INO80: variants seen among roughly 807,000 people sequenced by gnomAD.
INO80 encodes the protein INO80 complex ATPase subunit.
A neutral mutation model predicts 203.4 loss-of-function variants in INO80; 20 were observed. The ratio of observed to expected loss-of-function variants is 0.10; its 90% confidence interval spans 0.07 to 0.14. The LOEUF (loss-of-function observed/expected upper bound fraction) is 0.14. INO80 is among the 10% of genes least tolerant of loss of function. INO80 has a pLI of 1.00. For missense variants in INO80, 1,419 were observed against 1,914.4 expected (o/e 0.74, Z 4.83); for synonymous variants, 726 against 685.2 (o/e 1.06, Z -0.93).
intron 29 of INO80, among the ~76,000 whole-genome samples, chr15:40,991,542 T>C (rs1157764942): frequency 1.3e-5 from 2 of 151,952 alleles, no homozygotes; most frequent in East Asian, 3.9e-4. Flanking sequence ...AATTAAAGGA[T>C]TAGAACAACT....
At chr15:41,060,043 T>G in intron 14 of INO80, 117 bp from the exon 15 acceptor site, 1 of 657,252 alleles carries the variant, frequency 1.5e-6, no homozygotes, top group Non-Finnish European at 2.5e-6. Context: ...TAGGAATTCC[T>G]CTCCTGCCAA....
Position 41,052,715 on chromosome 15 carries a change from C to T in INO80, c.2274+1214G>A, listed in dbSNP as rs150976543. 6.2e-3 allele frequency among the ~76,000 whole-genome samples: 910 copies of T among 146,378 alleles called. 6 individuals are homozygous for T. Among genetic ancestry groups the T allele is most frequent in the Middle Eastern group, 0.011 (3 of 284 alleles). ...AAAAAAAAAATACAAGGGGAAAAAA[C>T]GGAGGGAGAGATTAAAAGATACTAA... On this transcript the variant is annotated intron_variant, in intron 19 of 35. Transcript: ENST00000648947.
At chr15:41,072,289 C>T (rs1381251780) in intron 11 of INO80, among the ~76,000 whole-genome samples, 4 of 151,820 alleles carry the variant, frequency 2.6e-5, no homozygotes, top group African/African-American at 9.7e-5. Context: ...AGGTCACATT[C>T]GTCTATCTTT....
At chr15:41,073,069 A>C (rs1181960170) in intron 11 of INO80, among the ~76,000 whole-genome samples, 1 of 152,136 alleles carries the variant, frequency 6.6e-6, no homozygotes, top group Non-Finnish European at 1.5e-5. Context: ...GTGAGCCACC[A>C]CGCCCGGTGA....
At chr15:41,069,209 A>G (rs1389435062) in intron 14 of INO80, among the ~76,000 whole-genome samples, 1 of 151,266 alleles carries the variant, frequency 6.6e-6, no homozygotes, top group Non-Finnish European at 1.5e-5. Context: ...GCTTGCTACA[A>G]CCTCCCTTCA....
intron 35 of INO80, among the ~76,000 whole-genome samples, chr15:40,982,105 G>C (rs760938705): frequency 6.6e-6 from 1 of 152,132 alleles, no homozygotes; most frequent in Non-Finnish European, 1.5e-5. Flanking sequence ...CCTTCTCATT[G>C]CTATTATACA....
chr15:41,103,729 A>G (rs1415315709), intron 1 of INO80, among the ~76,000 whole-genome samples: 1 of 152,138 alleles, frequency 6.6e-6, no homozygotes, highest in Non-Finnish European at 1.5e-5. Flanking sequence ...GTTCCTCAAT[A>G]GTTTTCCAAA....
chr15:41,047,334 A>G, intron 23 of INO80, 74 bp downstream of exon 23: 1 of 871,298 alleles, frequency 1.1e-6, no homozygotes, highest in Non-Finnish European at 1.8e-6. Flanking sequence ...TTAAATATTT[A>G]ATTCCACAGT....
intron 29 of INO80, among the ~76,000 whole-genome samples, chr15:40,992,985 G>C (rs1327603224): frequency 2.0e-5 from 3 of 152,036 alleles, no homozygotes; most frequent in Admixed American, 1.3e-4. Context: ...TGTACAGATG[G>C]GGTCTTGCTA....
At chr15:41,029,713 G>T (rs1409542499) in intron 24 of INO80, among the ~76,000 whole-genome samples, 1 of 152,216 alleles carries the variant, frequency 6.6e-6, no homozygotes. Flanking sequence ...ATTATCACTT[G>T]AATGTCTAAC....
chr15:40,994,145 T>C (rs965030067), intron 29 of INO80, among the ~76,000 whole-genome samples: 1 of 152,188 alleles, frequency 6.6e-6, no homozygotes, highest in Non-Finnish European at 1.5e-5. Flanking sequence ...ATGCCAAGCA[T>C]GTTCTCACCT....
chr15:41,033,541 A>C (rs1474169734), intron 24 of INO80, among the ~76,000 whole-genome samples: 1 of 152,126 alleles, frequency 6.6e-6, no homozygotes, highest in African/African-American at 2.4e-5. Flanking sequence ...AAAACAGTGT[A>C]AGAAAATAAC....
intron 9 of INO80, among the ~76,000 whole-genome samples, chr15:41,076,578 C>T (rs575936233): frequency 3.7e-4 from 55 of 148,268 alleles, no homozygotes; most frequent in South Asian, 2.4e-3. Flanking sequence ...CTTGTTTCTA[C>T]AAAAAATAAA....
chr15:41,000,706 CAAAAAAAAAAA>C (rs58232890), intron 28 of INO80, among the ~76,000 whole-genome samples: 4 of 56,826 alleles, frequency 7.0e-5, no homozygotes, highest in Admixed American at 2.3e-4. Flanking sequence ...CACCCTGTCT[CAAAAAAAAAAA>C]AAAAAAAAAA....
chr15:41,114,775 C>G (rs990005073), intron 1 of INO80, among the ~76,000 whole-genome samples: 1 of 151,306 alleles, frequency 6.6e-6, no homozygotes, highest in Non-Finnish European at 1.5e-5. Context: ...TTGAAAACAC[C>G]ATGTTAAGTG....
chr15:41,110,642 G>A (rs1461019084), intron 1 of INO80, among the ~76,000 whole-genome samples: 2 of 152,156 alleles, frequency 1.3e-5, no homozygotes, highest in Non-Finnish European at 2.9e-5. Context: ...TATTGCCCAG[G>A]CTGGTCTCAA....
At chr15:41,083,144 G>A (rs1186671426) in intron 7 of INO80, among the ~76,000 whole-genome samples, 1 of 151,762 alleles carries the variant, frequency 6.6e-6, no homozygotes, top group Non-Finnish European at 1.5e-5. Flanking sequence ...AATTAGCCAG[G>A]TGTCGTGGCG....
chr15:41,076,575 C>T (rs1409505186), intron 9 of INO80, among the ~76,000 whole-genome samples: 1 of 150,824 alleles, frequency 6.6e-6, no homozygotes, highest in Admixed American at 6.6e-5. Flanking sequence ...AACCTTGTTT[C>T]TACAAAAAAT....
chr15:41,115,940 C>T (rs1047970509), intron 1 of INO80, 33 bp downstream of exon 1: 3 of 384,332 alleles, frequency 7.8e-6, no homozygotes, highest in Non-Finnish European at 1.4e-5. Context: ...ACAACCCCCA[C>T]TCCGTTCGCC....
Sources: allele counts gnomAD v4.1 joint callset (sites outside exome capture counted in the v4.1 genomes callset), GRCh38; gene constraint gnomAD v4.1.1; transcripts MANE v1.5; gene names NCBI Gene and HGNC (gene_info 2026-07-23, HGNC 2026-07-21).